PTPRT: variants seen among roughly 807,000 people sequenced by gnomAD.
The protein encoded by PTPRT is protein tyrosine phosphatase receptor type T, also known as receptor-type tyrosine-protein phosphatase T.
PTPRT carries 56 observed loss-of-function variants against 176.8 expected under a neutral mutation model. The ratio of observed to expected loss-of-function variants is 0.32; its 90% CI spans 0.26 to 0.40. The LOEUF (loss-of-function observed/expected upper bound fraction) is 0.40, where lower values mean the gene tolerates loss of function less well. Among genes scored for constraint, PTPRT ranks in the 10% least tolerant of loss-of-function variants. The pLI, the probability that PTPRT is intolerant of heterozygous loss-of-function variation, is 1.00. For synonymous variants in PTPRT, 783 were observed against 739.0 expected (o/e 1.06, Z -0.96); for missense variants, 1,540 against 1,908.2 (o/e 0.81, Z 3.60).
rs146564911 is a variant in PTPRT, at chr20:42,729,832, G to A, written c.859+26630C>T. ...CCATGGCTACCTCTTCTCTTCTCAAGATTTTGTGCTACACTCAGGATTCCA... is the reference window on the plus strand; with the variant it reads ...CCATGGCTACCTCTTCTCTTCTCAAAATTTTGTGCTACACTCAGGATTCCA... On this transcript the variant is annotated intron_variant, in intron 6 of 30. Coordinates refer to ENST00000373187, the MANE Select transcript of PTPRT (RefSeq NM_007050.6). 5.8e-3 allele frequency among the ~76,000 whole-genome samples: 884 copies of A among 152,226 alleles called. 2 individuals carry two copies. Among genetic ancestry groups the A allele is most frequent in the Middle Eastern group, 0.014 (4 of 294 alleles).
chr20:42,276,549 ATATATATAT>A (rs1823416579), intron 13 of PTPRT, among the ~76,000 whole-genome samples: 6 of 74,698 alleles, frequency 8.0e-5, no homozygotes, highest in Non-Finnish European at 1.1e-4. Flanking sequence ...ATATATATAT[ATATATATAT>A]AATGTTCTTG....
At chr20:42,775,865 T>G (rs1366747210) in intron 4 of PTPRT, among the ~76,000 whole-genome samples, 1 of 152,254 alleles carries the variant, frequency 6.6e-6, no homozygotes, top group African/African-American at 2.4e-5. Flanking sequence ...CACAGGCTTT[T>G]TTGAATTGAA....
rs549712010 is a variant in PTPRT, at chr20:43,171,402, A to G, written c.88+18244T>C. 4.9e-4 allele frequency among the ~76,000 whole-genome samples: 75 copies of G among 152,358 alleles called. 2 individuals are homozygous for G. The highest frequency in any genetic ancestry group is 2.3e-3 in the South Asian group (11 of 4,824). ...GGAAAAGAACAAAATACGGATGATTATGGAGCACAAATTCCAGTAGAAAAA... is the reference window on the plus strand; with the variant it reads ...GGAAAAGAACAAAATACGGATGATTGTGGAGCACAAATTCCAGTAGAAAAA... On this transcript the variant is annotated intron_variant, in intron 1 of 30. Coordinates refer to ENST00000373187, the MANE Select transcript of PTPRT (RefSeq NM_007050.6).
At chr20:42,216,309 GACA>G (rs1437226570) in intron 15 of PTPRT, among the ~76,000 whole-genome samples, 2 of 152,180 alleles carry the variant, frequency 1.3e-5, no homozygotes, top group Admixed American at 1.3e-4. Context: ...TAACCACAAG[GACA>G]ACAACCTTTT....
chr20:42,930,768 C>T (rs1047077218), intron 1 of PTPRT, among the ~76,000 whole-genome samples: 1 of 152,120 alleles, frequency 6.6e-6, no homozygotes, highest in Non-Finnish European at 1.5e-5. Flanking sequence ...GCATGAGTCA[C>T]CATGCCCAGA....
At chr20:42,166,573 T>C (rs1252863903) in intron 16 of PTPRT, among the ~76,000 whole-genome samples, 3 of 152,208 alleles carry the variant, frequency 2.0e-5, no homozygotes, top group Non-Finnish European at 4.4e-5. Flanking sequence ...ATCATGAATG[T>C]GATGTGCTAA....
intron 7 of PTPRT, among the ~76,000 whole-genome samples, chr20:42,667,350 G>C (rs1600576643): frequency 1.3e-5 from 2 of 152,274 alleles, no homozygotes; most frequent in African/African-American, 4.8e-5. Flanking sequence ...CTTGCTGCAA[G>C]AATTACAAGT....
chr20:42,546,387 T>C (rs1165432322), intron 7 of PTPRT, among the ~76,000 whole-genome samples: 1 of 152,084 alleles, frequency 6.6e-6, no homozygotes. Flanking sequence ...TTGGTTGAAG[T>C]ACGGCCACTG....
intron 12 of PTPRT, among the ~76,000 whole-genome samples, chr20:42,309,482 T>C (rs1777189537): frequency 1.3e-5 from 2 of 152,142 alleles, no homozygotes; most frequent in Admixed American, 1.3e-4. Flanking sequence ...ACTACTATGA[T>C]GGAGAAAAAA....
At chr20:42,138,839 G>T (rs895287529) in intron 18 of PTPRT, among the ~76,000 whole-genome samples, 3 of 152,164 alleles carry the variant, frequency 2.0e-5, no homozygotes, top group Non-Finnish European at 4.4e-5. Flanking sequence ...AAGGTCTCTT[G>T]TTGTTTCTTT....
chr20:42,999,813 A>C (rs1039803891), intron 1 of PTPRT, among the ~76,000 whole-genome samples: 2 of 151,916 alleles, frequency 1.3e-5, no homozygotes, highest in African/African-American at 4.8e-5. Flanking sequence ...ACTCTAAATA[A>C]ATAAAAATGA....
At chr20:42,977,021 C>A (rs915778972) in intron 1 of PTPRT, among the ~76,000 whole-genome samples, 21 of 152,114 alleles carry the variant, frequency 1.4e-4, no homozygotes, top group African/African-American at 5.1e-4. Flanking sequence ...CACAGCACTG[C>A]CGAAGCCAGC....
chr20:42,880,070 G>C (rs1349889259), intron 2 of PTPRT, among the ~76,000 whole-genome samples: 2 of 152,164 alleles, frequency 1.3e-5, no homozygotes, highest in Non-Finnish European at 2.9e-5. Context: ...TGGATCTGCT[G>C]GTGCCACACT....
chr20:43,153,218 T>C (rs1004271907), intron 1 of PTPRT, among the ~76,000 whole-genome samples: 6 of 152,182 alleles, frequency 3.9e-5, no homozygotes, highest in African/African-American at 7.2e-5. Context: ...ATATATAGTA[T>C]GAATGAAACT....
intron 6 of PTPRT, among the ~76,000 whole-genome samples, chr20:42,744,471 A>G (rs1227308843): frequency 6.6e-6 from 1 of 152,246 alleles, no homozygotes; most frequent in African/African-American, 2.4e-5. Flanking sequence ...TATCAGTGGG[A>G]AAGGAAGAAA....
chr20:42,042,833 T>C, the PTPRT span, among the ~76,000 whole-genome samples: 1 of 152,272 alleles, frequency 6.6e-6, no homozygotes, highest in Non-Finnish European at 1.5e-5. Flanking sequence ...GACCACAGTC[T>C]TCCTGACTTG....
In PTPRT at chr20:42,084,774, G is replaced by A. The variant is rs776062206; in HGVS notation, c.4044C>T (p.Pro1348=). ...IGWPAYRDTP[P]SKRSLLKVVR... is the part of the protein sequence containing the mutation. ...CCACTTTGAGCAGAGAGCGCTTGGA[G>A]GGGGGCGTGTCCCGGTAGGCAGGCC... Residue 1348 remains proline, a synonymous_variant, in exon 29 of 31, where the codon CCC becomes CCT. Transcript: ENST00000373187. The A allele has an allele frequency of 3.1e-5, 48 of 1,559,674 alleles. No individual in the cohort carries two copies. The highest frequency in any genetic ancestry group is 3.8e-5 in the Non-Finnish European group (44 of 1,148,818).
intron 6 of PTPRT, among the ~76,000 whole-genome samples, chr20:42,694,214 A>G (rs538734713): frequency 6.6e-6 from 1 of 151,272 alleles, no homozygotes; most frequent in Admixed American, 6.6e-5. Context: ...AATTTTTTGT[A>G]TTTTTAGTAG....
At position 42,318,265 on chromosome 20, in the gene PTPRT, G is replaced by A. The variant is rs961970173; in HGVS notation, c.1866-2269C>T. ...ACTGTACAATTCCTATGTTTATCAG[G>A]ACAGCTAAGCTCAAAGCAGTCACTG... On this transcript the variant is annotated intron_variant, in intron 11 of 30. Coordinates refer to ENST00000373187, the MANE Select transcript of PTPRT (RefSeq NM_007050.6). Among the ~76,000 whole-genome samples, 3 of 152,112 alleles carry A rather than the reference G, an allele frequency of 2.0e-5. No homozygotes were observed. The East Asian group carries it at 5.8e-4, about 29-fold the overall frequency.
Sources: allele counts gnomAD v4.1 joint callset (sites outside exome capture counted in the v4.1 genomes callset), GRCh38; gene constraint gnomAD v4.1.1; transcripts MANE v1.5; gene names NCBI Gene and HGNC (gene_info 2026-07-23, HGNC 2026-07-21).